CSMD2: variants seen among roughly 807,000 people sequenced by gnomAD.
The protein encoded by CSMD2 is CUB and sushi domain-containing protein 2.
Under a neutral mutation model 398.5 loss-of-function variants are expected in CSMD2, and 130 were observed. The ratio of observed to expected loss-of-function variants is 0.33; its 90% CI spans 0.28 to 0.38. The LOEUF (loss-of-function observed/expected upper bound fraction) is 0.38, where lower values mean the gene tolerates loss of function less well. CSMD2 is among the 10% of genes least tolerant of loss of function. The pLI is 1.00. For synonymous variants in CSMD2, 1,828 were observed against 1,908.5 expected, an observed-to-expected ratio of 0.96 and a Z score of 1.10; for missense variants, 3,829 against 4,764.9, an observed-to-expected ratio of 0.80 and a Z score of 5.78.
chr1:33,524,121 A>C (rs893084140), intron 66 of CSMD2, among the ~76,000 whole-genome samples: 12 of 152,210 alleles, frequency 7.9e-5, no homozygotes, highest in African/African-American at 2.9e-4. Flanking sequence ...ATTTTCCTTT[A>C]AAACACTGGA....
At chr1:34,064,836 G>A (rs1376988273) in intron 2 of CSMD2, among the ~76,000 whole-genome samples, 5 of 152,120 alleles carry the variant, frequency 3.3e-5, no homozygotes, top group Admixed American at 6.5e-5. Flanking sequence ...TCCACATGGC[G>A]GGGGAGGCCT....
At chr1:33,653,568 A>C (rs1643869444) in intron 27 of CSMD2, among the ~76,000 whole-genome samples, 1 of 152,102 alleles carries the variant, frequency 6.6e-6, no homozygotes, top group Non-Finnish European at 1.5e-5. Context: ...CCCTGAGATG[A>C]CAGGTCTCTC....
intron 13 of CSMD2, among the ~76,000 whole-genome samples, chr1:33,747,721 T>C (rs1353300438): frequency 2.0e-5 from 3 of 152,164 alleles, no homozygotes; most frequent in African/African-American, 7.2e-5. Flanking sequence ...TAAGACAAAG[T>C]GACTCTGAAT....
At chr1:34,061,053 A>C (rs1654440148) in intron 2 of CSMD2, among the ~76,000 whole-genome samples, 1 of 152,182 alleles carries the variant, frequency 6.6e-6, no homozygotes, top group African/African-American at 2.4e-5. Context: ...CGCACTTCCC[A>C]ACCCCTGCAG....
intron 68 of CSMD2, among the ~76,000 whole-genome samples, chr1:33,520,579 G>A (rs72660159): frequency 0.04 from 6,074 of 152,330 alleles, 173 homozygotes; most frequent in Non-Finnish European, 0.061. Context: ...TCTTGCAGTA[G>A]GTGAAGGGTG....
intron 3 of CSMD2, among the ~76,000 whole-genome samples, chr1:34,012,231 T>G (rs1558244820): frequency 6.6e-6 from 1 of 152,150 alleles, no homozygotes; most frequent in Non-Finnish European, 1.5e-5. Context: ...AGCCTTGCCC[T>G]TGCTCTTCCC....
chr1:33,801,480 A>T (rs1412343347), intron 10 of CSMD2, among the ~76,000 whole-genome samples: 1 of 152,094 alleles, frequency 6.6e-6, no homozygotes, highest in African/African-American at 2.4e-5. Context: ...AGCCTCTGGG[A>T]TGGGCAGAAC....
intron 3 of CSMD2, among the ~76,000 whole-genome samples, chr1:34,025,510 C>T (rs549867675): frequency 7.2e-5 from 11 of 152,208 alleles, no homozygotes; most frequent in African/African-American, 1.9e-4. Context: ...ACTAGGGGAT[C>T]GGGGTGGCCA....
chr1:33,745,851 T>G (rs1647308338), intron 13 of CSMD2, among the ~76,000 whole-genome samples: 1 of 152,086 alleles, frequency 6.6e-6, no homozygotes, highest in South Asian at 2.1e-4. Flanking sequence ...TAACTAAGAG[T>G]AGACACCATT....
rs764785135 is a variant in CSMD2 at position 33,519,985 on chromosome 1, A to C, written c.10598-35T>G. ...CCCAAAGCAGAAAAGTCAAGTCACG[A>C]GACACAGTCTGAGGCTCCGTTGGCT... On this transcript the variant is annotated intron_variant, in intron 68 of 70. Coordinates refer to ENST00000373381, the MANE Select transcript of CSMD2 (RefSeq NM_001281956.2). The surrounding 1 kb of genome is among the most constrained non-coding windows in gnomAD (Gnocchi z 5.6). 4.3e-6 allele frequency: 7 copies of C among 1,611,556 alleles called. No homozygotes were observed. Among genetic ancestry groups the C allele is most frequent in the Non-Finnish European group, 4.2e-6 (5 of 1,178,124 alleles).
chr1:33,994,631 A>C (rs1017049219), intron 3 of CSMD2, among the ~76,000 whole-genome samples: 4 of 152,196 alleles, frequency 2.6e-5, no homozygotes, highest in Admixed American at 6.5e-5. Context: ...TCTTAAAAAA[A>C]AGGAATTTAG....
chr1:34,062,892 T>A (rs1654681939), intron 2 of CSMD2, among the ~76,000 whole-genome samples: 1 of 151,888 alleles, frequency 6.6e-6, no homozygotes, highest in African/African-American at 2.4e-5. Flanking sequence ...TACCCGAGAC[T>A]GGGAAGAAAA....
chr1:34,099,169 C>A (rs1487118842), intron 1 of CSMD2, among the ~76,000 whole-genome samples: 1 of 152,156 alleles, frequency 6.6e-6, no homozygotes, highest in African/African-American at 2.4e-5. Context: ...AACTTTCCCT[C>A]ACTGGTACAG....
At chr1:33,783,798 C>T (rs1653149169) in intron 12 of CSMD2, among the ~76,000 whole-genome samples, 1 of 152,178 alleles carries the variant, frequency 6.6e-6, no homozygotes, top group Non-Finnish European at 1.5e-5. Flanking sequence ...GACTCCGGTA[C>T]CTATAAATGT....
intron 19 of CSMD2, among the ~76,000 whole-genome samples, chr1:33,717,642 A>AG (rs1201020505): frequency 6.6e-6 from 1 of 151,756 alleles, no homozygotes; most frequent in East Asian, 2.0e-4. Flanking sequence ...TCAGGATTAA[A>AG]GGGGGACTAC....
intron 2 of CSMD2, among the ~76,000 whole-genome samples, chr1:34,039,786 AC>A (rs1198570996): frequency 1.3e-5 from 2 of 152,138 alleles, no homozygotes; most frequent in East Asian, 3.9e-4. Flanking sequence ...TATGTGGACC[AC>A]CCTTAGCTGT....
chr1:34,070,381 C>T (rs1005582642), intron 2 of CSMD2, among the ~76,000 whole-genome samples: 5 of 152,168 alleles, frequency 3.3e-5, no homozygotes, highest in Non-Finnish European at 7.3e-5. Context: ...GCCTTTCTCC[C>T]GCCCTCCACA....
At chr1:33,859,831 A>T (rs1372954280) in intron 5 of CSMD2, among the ~76,000 whole-genome samples, 2 of 152,212 alleles carry the variant, frequency 1.3e-5, no homozygotes, top group African/African-American at 2.4e-5. Context: ...TTTGACAGAG[A>T]TATGCTAAGA....
chr1:33,638,300 G>A (rs1334264863), intron 29 of CSMD2, among the ~76,000 whole-genome samples: 1 of 152,196 alleles, frequency 6.6e-6, no homozygotes, highest in Non-Finnish European at 1.5e-5. Context: ...CCAGGGACCT[G>A]TCATCATGTC....
Sources: gnomAD v4.1 joint callset for allele counts (sites outside exome capture counted in the v4.1 genomes callset) on GRCh38, gnomAD v4.1.1 for gene constraint, Gnocchi (gnomAD v3.1) non-coding constraint, MANE v1.5 for transcripts, NCBI Gene and HGNC (gene_info 2026-07-23, HGNC 2026-07-21) for gene names.